Variants in MYO1E observed in about 807,000 individuals in gnomAD.
The protein encoded by MYO1E is unconventional myosin-Ie.
MYO1E carries 68 observed loss-of-function variants against 151.1 expected under a neutral mutation model. The ratio of observed to expected loss-of-function variants is 0.45; its 90% CI spans 0.37 to 0.55. The LOEUF is 0.55. MYO1E is among the 20% of genes least tolerant of loss of function. The pLI is 0.00. For synonymous variants in MYO1E, 601 were observed against 501.7 expected (o/e 1.20, Z -2.64); for missense variants, 1,363 against 1,389.3 (o/e 0.98, Z 0.30).
At chr15:59,172,775 A>T (rs1327126601) in intron 21 of MYO1E, among the ~76,000 whole-genome samples, 2 of 152,268 alleles carry the variant, frequency 1.3e-5, no homozygotes, top group African/African-American at 4.8e-5. Context: ...CATTTGAATG[A>T]TAATTCTCAA....
intron 19 of MYO1E, among the ~76,000 whole-genome samples, chr15:59,175,270 A>C (rs1349119054): frequency 2.0e-5 from 3 of 152,210 alleles, no homozygotes; most frequent in Non-Finnish European, 4.4e-5. Flanking sequence ...ATTTACCTTG[A>C]GAGTGGCTTA....
intron 10 of MYO1E, among the ~76,000 whole-genome samples, chr15:59,215,517 A>T (rs2140343599): frequency 6.6e-6 from 1 of 152,262 alleles, no homozygotes; most frequent in Non-Finnish European, 1.5e-5. Context: ...GAACAGATGT[A>T]ATGACAGCAA....
intron 2 of MYO1E, 101 bp from the exon 3 acceptor site, chr15:59,261,610 G>T: frequency 1.2e-6 from 1 of 816,952 alleles, no homozygotes. Context: ...GACTGTCCAA[G>T]TGGAAAGTTT....
intron 8 of MYO1E, 126 bp from the exon 9 acceptor site, chr15:59,223,317 A>C (rs1426745633): frequency 1.2e-5 from 3 of 258,030 alleles, no homozygotes; most frequent in Middle Eastern, 1.1e-3. Flanking sequence ...GTTACAAAGA[A>C]AAAAAAAAAA....
At chr15:59,324,373 G>A (rs914405379) in intron 1 of MYO1E, among the ~76,000 whole-genome samples, 80 of 152,180 alleles carry the variant, frequency 5.3e-4, no homozygotes, top group African/African-American at 1.9e-3. Context: ...CCTCGCCTAT[G>A]AGCAACACAA....
intron 25 of MYO1E, among the ~76,000 whole-genome samples, chr15:59,156,476 C>T (rs895912333): frequency 2.0e-5 from 3 of 152,152 alleles, no homozygotes; most frequent in African/African-American, 4.8e-5. Context: ...TGAGCCACTG[C>T]GCCTGGCTGC....
intron 18 of MYO1E, among the ~76,000 whole-genome samples, chr15:59,179,327 T>C (rs1170392400): frequency 1.3e-5 from 2 of 152,220 alleles, no homozygotes; most frequent in African/African-American, 2.4e-5. Flanking sequence ...GCATGTACTC[T>C]AATTGGTAGT....
At chr15:59,340,302 T>C (rs1369712967) in intron 1 of MYO1E, among the ~76,000 whole-genome samples, 2 of 152,010 alleles carry the variant, frequency 1.3e-5, no homozygotes, top group East Asian at 3.9e-4. Flanking sequence ...AAGCGACACC[T>C]TGTCTCAAAA....
At chr15:59,343,165 T>C (rs1233556525) in intron 1 of MYO1E, among the ~76,000 whole-genome samples, 1 of 152,218 alleles carries the variant, frequency 6.6e-6, no homozygotes, top group Non-Finnish European at 1.5e-5. Context: ...ATTGAAGAAC[T>C]CCCTTTAGCA....
At chr15:59,246,791 A>C (rs2080132946) in intron 4 of MYO1E, among the ~76,000 whole-genome samples, 1 of 152,234 alleles carries the variant, frequency 6.6e-6, no homozygotes, top group Non-Finnish European at 1.5e-5. Context: ...GAAACTGCCC[A>C]GGTATGGCCA....
chr15:59,218,351 T>A, intron 9 of MYO1E: 1 of 597,994 alleles, frequency 1.7e-6, no homozygotes, highest in Non-Finnish European at 3.1e-6. Context: ...AATCAGGGAT[T>A]CAAGAAGGAT....
chr15:59,331,138 G>T (rs1004926056), intron 1 of MYO1E, among the ~76,000 whole-genome samples: 5 of 152,152 alleles, frequency 3.3e-5, no homozygotes, highest in Non-Finnish European at 2.9e-5. Context: ...TGGCAGAGTT[G>T]AGTAGCTGTG....
At chr15:59,164,498 C>T (rs1233397441) in intron 22 of MYO1E, among the ~76,000 whole-genome samples, 1 of 152,196 alleles carries the variant, frequency 6.6e-6, no homozygotes, top group Non-Finnish European at 1.5e-5. Context: ...GCTCTCAGAG[C>T]ACCTGGTGTC....
chr15:59,293,721 T>C (rs1482142278), intron 1 of MYO1E, among the ~76,000 whole-genome samples: 7 of 152,120 alleles, frequency 4.6e-5, no homozygotes, highest in African/African-American at 1.7e-4. Flanking sequence ...TTTCATCTGA[T>C]GTAGCAAAAA....
intron 22 of MYO1E, among the ~76,000 whole-genome samples, chr15:59,168,340 A>G (rs77723760): frequency 0.098 from 14,928 of 151,960 alleles, 776 homozygotes; most frequent in Middle Eastern, 0.16. Flanking sequence ...GAGCCCAGGA[A>G]TTGGAGACCA....
At chr15:59,293,731 A>G (rs1269455990) in intron 1 of MYO1E, among the ~76,000 whole-genome samples, 3 of 152,188 alleles carry the variant, frequency 2.0e-5, no homozygotes, top group African/African-American at 7.2e-5. Context: ...TGTAGCAAAA[A>G]CAAAACAAAA....
chr15:59,252,676 C>A (rs1224614731), intron 4 of MYO1E, among the ~76,000 whole-genome samples: 1 of 150,848 alleles, frequency 6.6e-6, no homozygotes, highest in South Asian at 2.1e-4. Context: ...GATCGTGCCA[C>A]TGCACTCCAG....
chr15:59,163,049 C>G, intron 23 of MYO1E, 108 bp downstream of exon 23: 3 of 1,306,366 alleles, frequency 2.3e-6, no homozygotes, highest in Non-Finnish European at 3.2e-6. Flanking sequence ...AGCCAGACCC[C>G]ACTCTTCTCC....
At chr15:59,243,213 G>C (rs2080110541) in intron 4 of MYO1E, among the ~76,000 whole-genome samples, 1 of 142,984 alleles carries the variant, frequency 7.0e-6, no homozygotes, top group Non-Finnish European at 1.5e-5. Context: ...ACCAATTTTT[G>C]TAATTCTAGA....
Sources: gnomAD v4.1 joint callset for allele counts (sites outside exome capture counted in the v4.1 genomes callset) on GRCh38, gnomAD v4.1.1 for gene constraint, MANE v1.5 for transcripts, NCBI Gene and HGNC (gene_info 2026-07-23, HGNC 2026-07-21) for gene names.